The following RERG variants were observed in gnomAD, a reference collection of about 807,000 sequenced individuals.
RERG encodes the protein RAS like estrogen regulated growth inhibitor, also known as ras-related and estrogen-regulated growth inhibitor.
RERG carries 25 observed loss-of-function variants against 23.2 expected under a neutral mutation model. That is an observed-to-expected ratio of 1.08 (90% CI 0.79 to 1.50). The LOEUF (loss-of-function observed/expected upper bound fraction) is 1.50. Among genes scored for constraint, RERG ranks in the 40% most tolerant of loss-of-function variants. The probability of loss-of-function intolerance (pLI) is 0.00; values close to 1 mark genes in which losing one functional copy is unlikely to be tolerated. For missense variants in RERG, 253 were observed against 250.1 expected, an observed-to-expected ratio of 1.01 and a Z score of -0.08; for synonymous variants, 81 against 89.1, an observed-to-expected ratio of 0.91 and a Z score of 0.51.
At chr12:15,161,705 C>T (rs2136114138) in intron 2 of RERG, among the ~76,000 whole-genome samples, 1 of 152,240 alleles carries the variant, frequency 6.6e-6, no homozygotes, top group South Asian at 2.1e-4. Flanking sequence ...ACAGTCTCTG[C>T]CTTCATGCAG....
intron 2 of RERG, among the ~76,000 whole-genome samples, chr12:15,172,788 A>G (rs940135498): frequency 2.0e-5 from 3 of 152,206 alleles, no homozygotes; most frequent in Non-Finnish European, 2.9e-5. Flanking sequence ...CTGTGGATAA[A>G]TATCTATTCA....
chr12:15,195,350 C>T (rs923303386), intron 2 of RERG, among the ~76,000 whole-genome samples: 3 of 152,104 alleles, frequency 2.0e-5, no homozygotes, highest in African/African-American at 4.8e-5. Flanking sequence ...TGGCACTGCT[C>T]AGAATGCCAA....
intron 2 of RERG, among the ~76,000 whole-genome samples, chr12:15,189,950 T>C (rs946496050): frequency 7.9e-5 from 12 of 152,302 alleles, no homozygotes; most frequent in African/African-American, 2.9e-4. Context: ...CCAAATATGC[T>C]ATTTTCATAA....
At chr12:15,139,437 G>C (rs148198373) in intron 2 of RERG, among the ~76,000 whole-genome samples, 1 of 152,208 alleles carries the variant, frequency 6.6e-6, no homozygotes, top group African/African-American at 2.4e-5. Context: ...ACAATATTGA[G>C]TCTTCCAATC....
intron 2 of RERG, among the ~76,000 whole-genome samples, chr12:15,146,260 T>A (rs780239652): frequency 6.6e-6 from 1 of 152,214 alleles, no homozygotes; most frequent in Non-Finnish European, 1.5e-5. Context: ...TATGCCAGGC[T>A]CCTTATCTTA....
chr12:15,195,190 G>A (rs1189033029), intron 2 of RERG, among the ~76,000 whole-genome samples: 1 of 152,016 alleles, frequency 6.6e-6, no homozygotes, highest in Non-Finnish European at 1.5e-5. Context: ...GAGATATGAT[G>A]GCAGAGTTGA....
chr12:15,114,259 A>C (rs1423290361), intron 3 of RERG, among the ~76,000 whole-genome samples: 1 of 152,066 alleles, frequency 6.6e-6, no homozygotes, highest in Non-Finnish European at 1.5e-5. Context: ...TAAAAAATAA[A>C]AGGGTTGACT....
At chr12:15,172,627 G>T (rs189916179) in intron 2 of RERG, among the ~76,000 whole-genome samples, 1 of 152,094 alleles carries the variant, frequency 6.6e-6, no homozygotes, top group East Asian at 1.9e-4. Flanking sequence ...CCACATCCTT[G>T]CCAATGTTTG....
At chr12:15,117,854 A>G (rs1339635174) in intron 3 of RERG, among the ~76,000 whole-genome samples, 1 of 152,058 alleles carries the variant, frequency 6.6e-6, no homozygotes, top group Non-Finnish European at 1.5e-5. Flanking sequence ...ACAATCAGAT[A>G]ATTGCTGCCA....
At chr12:15,169,734 T>C (rs7961224) in intron 2 of RERG, among the ~76,000 whole-genome samples, 15,578 of 152,246 alleles carry the variant, frequency 0.1, 869 homozygotes, top group Middle Eastern at 0.15. Context: ...CAGATATGTA[T>C]AGAAATTTAT....
Position 15,200,227 on chromosome 12 carries a change from T to C in RERG, c.61+17202A>G, listed in dbSNP as rs150551626. 5.1e-4 allele frequency among the ~76,000 whole-genome samples: 77 copies of C among 152,242 alleles called. No homozygotes were observed. The East Asian group carries it at 0.013, about 25-fold the overall frequency. ...ACATTTACAAGAGCTCGTGTTTTCT[T>C]AGTGATGCTTGGCTTGAGGAATTTT... On this transcript the variant is annotated intron_variant, in intron 2 of 4. Transcript: ENST00000256953.
rs144495654 is a variant in RERG at position 15,167,352 on chromosome 12, A to G, written c.62-46233T>C. Among the ~76,000 whole-genome samples, 51 of 152,284 alleles carry G rather than the reference A, an allele frequency of 3.3e-4. 1 individual carries two copies. The highest frequency in any genetic ancestry group is 1.2e-3 in the African/African-American group (50 of 41,568). On this transcript the variant is annotated intron_variant, in intron 2 of 4. Coordinates refer to ENST00000256953, the MANE Select transcript of RERG (RefSeq NM_032918.3). ...AAGACTCCACCCCAGCTCTAAGTCA[A>G]TGCCTGCCTCTTCTGGAGAAGTGGT...
intron 2 of RERG, among the ~76,000 whole-genome samples, chr12:15,149,112 G>A (rs1027755306): frequency 1.3e-5 from 2 of 151,444 alleles, no homozygotes; most frequent in Admixed American, 6.6e-5. Flanking sequence ...CTCGTAATCC[G>A]CCCGCCTCGG....
chr12:15,110,463 CTTTTTTTTTTTTT>C (rs869218147), intron 4 of RERG, among the ~76,000 whole-genome samples: 20 of 73,148 alleles, frequency 2.7e-4, no homozygotes, highest in Middle Eastern at 0.011. Context: ...CCATTTTTTT[CTTTTTTTTTTTTT>C]TTTTTTTTTT....
intron 3 of RERG, chr12:15,114,420 C>T (rs1863681918): frequency 6.6e-6 from 1 of 151,864 alleles, no homozygotes; most frequent in Non-Finnish European, 1.5e-5. Context: ...GAAATACGGC[C>T]AAAGTATACA....
chr12:15,205,060 C>CTA (rs1865265261), intron 2 of RERG, among the ~76,000 whole-genome samples: 1 of 151,878 alleles, frequency 6.6e-6, no homozygotes, highest in South Asian at 2.1e-4. Flanking sequence ...CAGGAACTCT[C>CTA]TATTATTTTT....
At chr12:15,205,972 A>T (rs959184541) in intron 2 of RERG, among the ~76,000 whole-genome samples, 10 of 152,084 alleles carry the variant, frequency 6.6e-5, no homozygotes, top group South Asian at 2.1e-4. Flanking sequence ...ACTTAACTAT[A>T]TGGAGCGAGG....
At chr12:15,164,543 C>A (rs1480266630) in intron 2 of RERG, among the ~76,000 whole-genome samples, 1 of 152,188 alleles carries the variant, frequency 6.6e-6, no homozygotes, top group Non-Finnish European at 1.5e-5. Context: ...TGTATCACCA[C>A]TAGCAAGTTT....
At chr12:15,169,536 T>C (rs182951620) in intron 2 of RERG, among the ~76,000 whole-genome samples, 209 of 152,296 alleles carry the variant, frequency 1.4e-3, no homozygotes, top group African/African-American at 4.6e-3. Context: ...ATCTACACCA[T>C]CTGTGGACCT....
Sources: allele counts gnomAD v4.1 joint callset (sites outside exome capture counted in the v4.1 genomes callset), GRCh38; gene constraint gnomAD v4.1.1; transcripts MANE v1.5; gene names NCBI Gene and HGNC (gene_info 2026-07-23, HGNC 2026-07-21).